The following CEP120 variants were observed in gnomAD, a reference collection of about 807,000 sequenced individuals.
CEP120 encodes centrosomal protein 120, also known as centrosomal protein of 120 kDa.
CEP120 carries 113 observed loss-of-function variants against 126.5 expected under a neutral mutation model. The observed-to-expected ratio is 0.89, with a 90% CI of 0.77 to 1.04. The LOEUF is 1.04. Ranked by LOEUF, CEP120 falls within the 50% of genes least tolerant of loss-of-function variation. The probability of loss-of-function intolerance (pLI) is 0.00; values close to 1 mark genes in which losing one functional copy is unlikely to be tolerated. For synonymous variants in CEP120, 400 were observed against 394.3 expected, an observed-to-expected ratio of 1.01 and a Z score of -0.17; for missense variants, 1,230 against 1,155.7, an observed-to-expected ratio of 1.06 and a Z score of -0.93.
chr5:123,406,583 T>A (rs1773686302), intron 4 of CEP120, among the ~76,000 whole-genome samples: 1 of 112,124 alleles, frequency 8.9e-6, no homozygotes, highest in Non-Finnish European at 1.8e-5. Context: ...TTTACAATGT[T>A]GAGAAAAAAA....
chr5:123,389,789 C>T (rs1021842559), intron 8 of CEP120, 135 bp downstream of exon 8: 28 of 737,546 alleles, frequency 3.8e-5, no homozygotes, highest in Non-Finnish European at 5.5e-5. Flanking sequence ...CGTGAGCCAC[C>T]GTGCCCAGCC....
At chr5:123,405,018 C>G (rs1395292454) in intron 4 of CEP120, among the ~76,000 whole-genome samples, 1 of 152,176 alleles carries the variant, frequency 6.6e-6, no homozygotes, top group East Asian at 1.9e-4. Flanking sequence ...CAGTCTGGCA[C>G]ATAGAGCTTA....
chr5:123,351,942 T>A (rs560008410), intron 18 of CEP120, among the ~76,000 whole-genome samples: 1 of 152,272 alleles, frequency 6.6e-6, no homozygotes, highest in East Asian at 1.9e-4. Context: ...AGCATTCCAA[T>A]GCTTTATATT....
At chr5:123,421,327 G>A (rs1206201586) in intron 1 of CEP120, among the ~76,000 whole-genome samples, 1 of 152,152 alleles carries the variant, frequency 6.6e-6, no homozygotes, top group Non-Finnish European at 1.5e-5. Flanking sequence ...AATCAAGCTG[G>A]TCAGAAAGAC....
In CEP120 at chr5:123,423,307, C is replaced by G; in HGVS notation, c.-309G>C. On this transcript the variant is annotated 5_prime_UTR_variant, in exon 1 of 20. Transcript: ENST00000306467. Reference sequence around the variant, plus strand: ...TTTTGCCGCCTGCGTAGCCGCTTTTCAAACGCCCGGGCGGCCGCAGCGGCC... The same window carrying G: ...TTTTGCCGCCTGCGTAGCCGCTTTTGAAACGCCCGGGCGGCCGCAGCGGCC... 2.5e-6 allele frequency: 1 copy of G among 401,558 alleles called. No individual in the cohort carries two copies. The highest frequency in any genetic ancestry group is 4.5e-6 in the Non-Finnish European group (1 of 223,742). 24.9% of individuals were successfully genotyped at this position (401,558 alleles called of 1,614,324 possible).
intron 3 of CEP120, among the ~76,000 whole-genome samples, chr5:123,412,887 C>T (rs1438433565): frequency 6.6e-6 from 1 of 152,186 alleles, no homozygotes; most frequent in Non-Finnish European, 1.5e-5. Flanking sequence ...TACCAGTTTT[C>T]TAATTCCCTA....
In CEP120 at chr5:123,377,440, G is replaced by C. The variant is rs756593532; in HGVS notation, c.2292C>G (p.His764Gln). The change falls in exon 16 of 20, where the codon CAC becomes CAG. Residue 764 changes from histidine (H) to glutamine (Q), a missense_variant. Physicochemically the swap from His to Gln is conservative, Grantham distance 24 (BLOSUM62 0). Transcript: ENST00000306467. ...SIRRAKEDCIHQVELERLKIK... is the reference protein window; with the variant it reads ...SIRRAKEDCIQQVELERLKIK... The stretch of plus-strand genomic sequence containing the variant: ...TTTTTAACCTTTCTAGTTCTACTTG[G>C]TGAATACAGTCCTCTTTGGCCCTAC... 1.4e-5 allele frequency: 22 copies of C among 1,611,760 alleles called. No individual in the cohort carries two copies. In the Admixed American group the frequency reaches 3.4e-4, roughly 25 times the overall value.
intron 1 of CEP120, among the ~76,000 whole-genome samples, chr5:123,419,578 C>G (rs1774592083): frequency 6.6e-6 from 1 of 150,742 alleles, no homozygotes; most frequent in South Asian, 2.1e-4. Flanking sequence ...AGAATACTTT[C>G]CAAATTAGCT....
At chr5:123,357,915 T>C (rs559833029) in intron 18 of CEP120, among the ~76,000 whole-genome samples, 1 of 152,276 alleles carries the variant, frequency 6.6e-6, no homozygotes, top group East Asian at 1.9e-4. Flanking sequence ...AGAACAATTA[T>C]ATGCTACTAC....
chr5:123,407,936 T>C (rs1198833991), intron 4 of CEP120, among the ~76,000 whole-genome samples: 2 of 152,068 alleles, frequency 1.3e-5, no homozygotes, highest in Non-Finnish European at 2.9e-5. Context: ...GATTAAACAA[T>C]ATACTTCTAA....
At chr5:123,348,067 C>T (rs890887185) in intron 19 of CEP120, among the ~76,000 whole-genome samples, 1 of 152,202 alleles carries the variant, frequency 6.6e-6, no homozygotes, top group African/African-American at 2.4e-5. Context: ...CCTAACTGCA[C>T]TGACTCTTCG....
Position 123,346,392 on chromosome 5 carries a change from A to G in CEP120, c.*127T>C, listed in dbSNP as rs1349212822. 4.6e-6 allele frequency: 3 copies of G among 646,636 alleles called. No individual in the cohort carries two copies. The highest frequency in any genetic ancestry group is 5.2e-6 in the Non-Finnish European group (2 of 383,314). 40.1% of individuals were successfully genotyped at this position (646,636 alleles called of 1,614,324 possible). A position where few individuals can be genotyped will look rare whatever the true frequency, so the allele number is the denominator to read the frequency against. On this transcript the variant is annotated 3_prime_UTR_variant, in exon 20 of 20. Coordinates refer to ENST00000306467, the MANE Select transcript of CEP120 (RefSeq NM_001375405.1). ...GATCAAATAAATACTATACAATAAC[A>G]TACAAAATTTTGCTTATAAAAAATT...
intron 17 of CEP120, among the ~76,000 whole-genome samples, chr5:123,370,153 C>T (rs1431860263): frequency 3.9e-5 from 6 of 151,928 alleles, no homozygotes. Context: ...AACATGGTTT[C>T]TGCCTTGGAA....
intron 19 of CEP120, among the ~76,000 whole-genome samples, chr5:123,347,501 T>C (rs1019071998): frequency 3.9e-5 from 6 of 152,184 alleles, no homozygotes; most frequent in African/African-American, 1.2e-4. Context: ...GTTAAGGTTT[T>C]GTATGGATAT....
At position 123,390,383 on chromosome 5, in the gene CEP120, A is replaced by G. The variant is rs1257401070; in HGVS notation, c.1039-243T>C. On this transcript the variant is annotated intron_variant, in intron 7 of 19. Transcript: ENST00000306467. The stretch of plus-strand genomic sequence containing the variant: ...AATGCATCCTAATGGGTAAGAAGGG[A>G]TATTTGAGAAAAGAAGTCAGGCATA... The G allele has an allele frequency of 1.2e-5, 7 of 567,050 alleles. No individual in the cohort carries two copies. In the East Asian group the frequency reaches 2.8e-4, roughly 23 times the overall value. The allele number at this position is 567,050 out of a possible 1,614,324, so 35.1% of individuals were successfully genotyped here.
intron 5 of CEP120, among the ~76,000 whole-genome samples, chr5:123,395,683 T>A (rs1349895476): frequency 2.2e-5 from 1 of 45,614 alleles, no homozygotes; most frequent in Non-Finnish European, 4.6e-5. Context: ...CTTCATTCCT[T>A]TTTTTTTTTT....
At chr5:123,356,517 G>T (rs1769635778) in intron 18 of CEP120, among the ~76,000 whole-genome samples, 1 of 152,004 alleles carries the variant, frequency 6.6e-6, no homozygotes, top group Non-Finnish European at 1.5e-5. Context: ...TCCACTTAAA[G>T]CATTTGCTGA....
chr5:123,389,019 G>T (rs541123524), intron 8 of CEP120, among the ~76,000 whole-genome samples: 1 of 152,232 alleles, frequency 6.6e-6, no homozygotes, highest in African/African-American at 2.4e-5. Context: ...TAAAATAACA[G>T]AAAGCTAAAA....
chr5:123,395,477 A>G (rs999509611), intron 5 of CEP120, among the ~76,000 whole-genome samples: 6 of 152,126 alleles, frequency 3.9e-5, no homozygotes, highest in Admixed American at 1.3e-4. Context: ...AAACAATACA[A>G]TCATTAAGCA....
Sources: allele counts gnomAD v4.1 joint callset (sites outside exome capture counted in the v4.1 genomes callset), GRCh38; gene constraint gnomAD v4.1.1; transcripts MANE v1.5; gene names NCBI Gene and HGNC (gene_info 2026-07-23, HGNC 2026-07-21).